The following ANKS1B variants were observed in gnomAD, a reference collection of about 807,000 sequenced individuals.
ANKS1B encodes the protein ankyrin repeat and sterile alpha motif domain-containing protein 1B.
In ANKS1B, 36 loss-of-function variants were observed where a neutral mutation model predicts 148.3. The observed-to-expected ratio is 0.24, with a 90% confidence interval of 0.19 to 0.32. The LOEUF (loss-of-function observed/expected upper bound fraction) is 0.32, where lower values mean the gene tolerates loss of function less well. ANKS1B is among the 10% of genes least tolerant of loss of function. ANKS1B has a pLI of 1.00. For synonymous variants in ANKS1B, 542 were observed against 560.8 expected (o/e 0.97, Z 0.47); for missense variants, 1,157 against 1,542.6 (o/e 0.75, Z 4.19).
At chr12:99,632,167 G>A (rs959097014) in intron 9 of ANKS1B, among the ~76,000 whole-genome samples, 2 of 152,158 alleles carry the variant, frequency 1.3e-5, no homozygotes, top group East Asian at 1.9e-4. Flanking sequence ...GGTCCCAGGT[G>A]CAGATCATGC....
At chr12:99,818,851 GAT>G (rs2082178291) in intron 2 of ANKS1B, among the ~76,000 whole-genome samples, 1 of 151,832 alleles carries the variant, frequency 6.6e-6, no homozygotes, top group African/African-American at 2.4e-5. Flanking sequence ...TTTTCTGAAA[GAT>G]ATAAATACAC....
At chr12:99,788,730 C>T (rs2065276973) in intron 4 of ANKS1B, among the ~76,000 whole-genome samples, 1 of 152,116 alleles carries the variant, frequency 6.6e-6, no homozygotes, top group Non-Finnish European at 1.5e-5. Context: ...AGAGGGGAGC[C>T]TACTGCCCTA....
rs7305080 is a variant in ANKS1B, at chr12:99,657,659, A to T, written c.1129-2449T>A. Reference sequence around the variant, plus strand: ...AATCTGAAAGAGTATATATATATATATGATAAAGTTGTTCACAGGAATAAA... The same window carrying T: ...AATCTGAAAGAGTATATATATATATTTGATAAAGTTGTTCACAGGAATAAA... On this transcript the variant is annotated intron_variant, in intron 8 of 26. Coordinates refer to ENST00000683438, the MANE Select transcript of ANKS1B (RefSeq NM_001352186.2). Among the ~76,000 whole-genome samples, 36 of 146,808 alleles carry T rather than the reference A, an allele frequency of 2.5e-4. 1 individual carries two copies. The highest frequency in any genetic ancestry group is 6.9e-4 in the African/African-American group (27 of 39,388).
At chr12:99,917,453 C>A (rs562702248) in intron 1 of ANKS1B, among the ~76,000 whole-genome samples, 14 of 152,292 alleles carry the variant, frequency 9.2e-5, no homozygotes, top group African/African-American at 3.4e-4. Context: ...GGTAATCTAG[C>A]TATTGACAGT....
At chr12:99,240,284 T>C (rs941027400) in intron 14 of ANKS1B, among the ~76,000 whole-genome samples, 12 of 151,940 alleles carry the variant, frequency 7.9e-5, no homozygotes, top group African/African-American at 2.7e-4. Flanking sequence ...ATAAAACAGA[T>C]TTTAAACCAA....
intron 17 of ANKS1B, among the ~76,000 whole-genome samples, chr12:99,020,253 T>C (rs933614715): frequency 2.0e-5 from 3 of 152,156 alleles, no homozygotes; most frequent in African/African-American, 7.2e-5. Flanking sequence ...ACTTCCTATT[T>C]TTCCCTTCCT....
chr12:99,657,703 A>G (rs2098456586), intron 8 of ANKS1B, among the ~76,000 whole-genome samples: 1 of 150,782 alleles, frequency 6.6e-6, no homozygotes. Flanking sequence ...TCAAAAAGGT[A>G]TCTCCTTTAC....
chr12:98,996,008 C>G (rs2099929333), intron 17 of ANKS1B, among the ~76,000 whole-genome samples: 2 of 151,896 alleles, frequency 1.3e-5, no homozygotes, highest in Admixed American at 1.3e-4. Flanking sequence ...GGGGAAAGAA[C>G]TACCGAAGGA....
rs917950331 is a variant in ANKS1B, at chr12:99,727,162, G to T, written c.1128+45760C>A. 5.3e-5 allele frequency among the ~76,000 whole-genome samples: 8 copies of T among 151,968 alleles called. No individual in the cohort carries two copies. The East Asian group carries it at 1.5e-3, about 29-fold the overall frequency. ...CAGGGCAATCAGGCAAGAGAAAGAA[G>T]TAAAGCATATTCGAATAGAAAGAGA... On this transcript the variant is annotated intron_variant, in intron 8 of 26. Transcript: ENST00000683438.
At chr12:99,827,627 T>A (rs1401453269) in intron 1 of ANKS1B, among the ~76,000 whole-genome samples, 1 of 152,206 alleles carries the variant, frequency 6.6e-6, no homozygotes, top group Non-Finnish European at 1.5e-5. Flanking sequence ...TCTATATGTA[T>A]CCCATAACAT....
At chr12:99,308,897 A>G (rs2082727970) in intron 12 of ANKS1B, among the ~76,000 whole-genome samples, 1 of 149,192 alleles carries the variant, frequency 6.7e-6, no homozygotes, top group Non-Finnish European at 1.5e-5. Flanking sequence ...TTTGTATAAT[A>G]TATATAGTAT....
At chr12:99,071,644 C>CTTTT (rs71646503) in intron 16 of ANKS1B, among the ~76,000 whole-genome samples, 5 of 143,144 alleles carry the variant, frequency 3.5e-5, no homozygotes, top group Non-Finnish European at 4.6e-5. Context: ...TAATCTCTCT[C>CTTTT]TTTTTTTTTT....
intron 9 of ANKS1B, among the ~76,000 whole-genome samples, chr12:99,637,227 A>G (rs1205042999): frequency 6.6e-6 from 1 of 152,172 alleles, no homozygotes; most frequent in East Asian, 1.9e-4. Flanking sequence ...CAGGAGAATC[A>G]CTTTAACCTG....
intron 19 of ANKS1B, among the ~76,000 whole-genome samples, chr12:98,816,350 C>A (rs1725103984): frequency 6.6e-6 from 1 of 152,178 alleles, no homozygotes; most frequent in South Asian, 2.1e-4. Flanking sequence ...GGAGGGAGTG[C>A]AATGGCACGA....
Position 98,751,352 on chromosome 12 carries a change from T to C in ANKS1B, c.3747+3A>G, listed in dbSNP as rs1399805572. The C allele has an allele frequency of 6.2e-7, 1 of 1,613,418 alleles. No individual in the cohort carries two copies. The highest frequency in any genetic ancestry group is 1.3e-5 in the African/African-American group (1 of 75,022). ...TTAGAACATCTGTATCGTTTCTACT[T>C]ACCACGGACTTGCGAATGCTAACGC... is the stretch of plus-strand genomic sequence containing the variant. On this transcript the variant is annotated splice_donor_region_variant and intron_variant, in intron 26 of 26. Transcript: ENST00000683438. This position sits in a 1 kb window ranked among gnomAD's most constrained non-coding sequence, Gnocchi z 4.3.
intron 8 of ANKS1B, among the ~76,000 whole-genome samples, chr12:99,732,576 A>G (rs761145779): frequency 3.9e-5 from 6 of 152,188 alleles, no homozygotes; most frequent in Admixed American, 3.9e-4. Context: ...TGGTTGCCTC[A>G]GGGTGGGACT....
intron 17 of ANKS1B, among the ~76,000 whole-genome samples, chr12:99,044,970 A>C (rs1233800963): frequency 6.6e-6 from 1 of 152,178 alleles, no homozygotes; most frequent in Non-Finnish European, 1.5e-5. Context: ...AAGATGAAAG[A>C]AGAGAGGGCA....
chr12:99,064,341 G>A (rs1040370710), intron 16 of ANKS1B, among the ~76,000 whole-genome samples: 15 of 152,196 alleles, frequency 9.9e-5, no homozygotes, highest in African/African-American at 3.6e-4. Context: ...GAGTAAAATA[G>A]AAGTGAAGCA....
intron 15 of ANKS1B, among the ~76,000 whole-genome samples, chr12:99,101,943 G>A (rs986006062): frequency 6.6e-6 from 1 of 152,154 alleles, no homozygotes; most frequent in Non-Finnish European, 1.5e-5. Context: ...AGTGAGAGGA[G>A]GCTGAAGTTT....
Sources: gnomAD v4.1 joint callset for allele counts (sites outside exome capture counted in the v4.1 genomes callset) on GRCh38, gnomAD v4.1.1 for gene constraint, Gnocchi (gnomAD v3.1) non-coding constraint, MANE v1.5 for transcripts, NCBI Gene and HGNC (gene_info 2026-07-23, HGNC 2026-07-21) for gene names.